Variants in IGSF10 observed in about 807,000 individuals in gnomAD.
The protein encoded by IGSF10 is calvaria mechanical force protein 608.
IGSF10 carries 126 observed loss-of-function variants against 128.2 expected under a neutral mutation model. The ratio of observed to expected loss-of-function variants is 0.98; its 90% CI spans 0.85 to 1.14. The LOEUF (loss-of-function observed/expected upper bound fraction) is 1.14. IGSF10 is among the 50% of genes most tolerant of loss of function. The pLI is 0.00. For missense variants in IGSF10, 3,295 were observed against 3,149.8 expected (o/e 1.05, Z -1.10); for synonymous variants, 1,185 against 1,146.2 (o/e 1.03, Z -0.68).
At chr3:151,435,272 G>A (rs1384510947), downstream of IGSF10, 4 of 151,604 alleles carry the variant, frequency 2.6e-5, no homozygotes, top group Non-Finnish European at 5.9e-5. Flanking sequence ...CACAGTTCTT[G>A]GATATAAGAA....
the IGSF10 span, among the ~76,000 whole-genome samples, chr3:151,529,818 A>G: frequency 4.6e-4 from 70 of 152,200 alleles, no homozygotes; most frequent in Non-Finnish European, 8.2e-4. Flanking sequence ...AAGGATTACA[A>G]CTTTTCGCCA....
At chr3:151,536,073 C>T in the IGSF10 span, among the ~76,000 whole-genome samples, 1 of 152,152 alleles carries the variant, frequency 6.6e-6, no homozygotes, top group Non-Finnish European at 1.5e-5. Context: ...CTAGCTGCCA[C>T]TGTGTCCTGT....
intron 1 of IGSF10, 149 bp from the exon 2 acceptor site, chr3:151,460,496 G>C (rs942759973): frequency 6.5e-6 from 1 of 154,890 alleles, no homozygotes; most frequent in African/African-American, 2.4e-5. Flanking sequence ...ACCCAGAAGC[G>C]TTCTTTTATT....
chr3:151,473,414 A>G, the IGSF10 span, among the ~76,000 whole-genome samples: 1 of 152,204 alleles, frequency 6.6e-6, no homozygotes, highest in Non-Finnish European at 1.5e-5. Context: ...TAACTTTTTC[A>G]ATCGATAACT....
At chr3:151,451,206 C>A (rs1456760371) in intron 5 of IGSF10, among the ~76,000 whole-genome samples, 1 of 152,126 alleles carries the variant, frequency 6.6e-6, no homozygotes, top group Non-Finnish European at 1.5e-5. Context: ...CCCATTGGCT[C>A]TGGCATACGC....
the IGSF10 span, among the ~76,000 whole-genome samples, chr3:151,547,318 G>A: frequency 1.3e-5 from 2 of 151,904 alleles, no homozygotes; most frequent in Admixed American, 1.3e-4. Flanking sequence ...GCTGAGCAAT[G>A]CCATAGCCAG....
chr3:151,488,251 A>T, the IGSF10 span, among the ~76,000 whole-genome samples: 1 of 152,188 alleles, frequency 6.6e-6, no homozygotes, highest in Non-Finnish European at 1.5e-5. Flanking sequence ...GTACCTAGGA[A>T]TACAACTTAC....
Position 151,460,303 on chromosome 3 carries a change from C to T in IGSF10, c.-44G>A. The T allele has an allele frequency of 1.0e-6, 1 of 983,398 alleles. No individual in the cohort carries two copies. Among genetic ancestry groups the T allele is most frequent in the Non-Finnish European group, 1.2e-6 (1 of 828,072 alleles). The allele number at this position is 983,398 out of a possible 1,614,324, so 60.9% of individuals were successfully genotyped here. A position where few individuals can be genotyped will look rare whatever the true frequency, so the allele number is the denominator to read the frequency against. ...GTCCTGAGTCCTCTTGTGACATAGG[C>T]AGAGACAGAAAATCTTCCCAGGAAA... is the stretch of plus-strand genomic sequence containing the variant. On this transcript the variant is annotated 5_prime_UTR_variant, in exon 2 of 8. Transcript: ENST00000282466.
At chr3:151,582,298 G>C in the IGSF10 span, among the ~76,000 whole-genome samples, 4 of 111,060 alleles carry the variant, frequency 3.6e-5, 1 homozygote, top group Non-Finnish European at 7.2e-5. Flanking sequence ...TATCCGGGGG[G>C]GGGGGCGGGA....
upstream of IGSF10, among the ~76,000 whole-genome samples, chr3:151,463,523 G>GTT (rs745415781): frequency 0.039 from 1,216 of 30,824 alleles, 335 homozygotes; most frequent in Middle Eastern, 0.08. Context: ...ACATTTTCTG[G>GTT]TTTTTTTTTT....
chr3:151,553,890 G>A, the IGSF10 span, among the ~76,000 whole-genome samples: 616 of 151,858 alleles, frequency 4.1e-3, 6 homozygotes, highest in East Asian at 0.024. Context: ...AAGTTGGGAG[G>A]AGCACTTGAA....
At chr3:151,548,202 A>C in the IGSF10 span, among the ~76,000 whole-genome samples, 1 of 152,178 alleles carries the variant, frequency 6.6e-6, no homozygotes, top group Admixed American at 6.5e-5. Flanking sequence ...AAGTGGCAAT[A>C]TAAGAAGTCT....
At chr3:151,494,659 T>C in the IGSF10 span, among the ~76,000 whole-genome samples, 9 of 152,252 alleles carry the variant, frequency 5.9e-5, no homozygotes, top group African/African-American at 2.2e-4. Context: ...ACAAGGTAAT[T>C]ATCACTTCAT....
In IGSF10 at chr3:151,445,029, A is replaced by G. The variant is rs1258082356; in HGVS notation, c.4952T>C (p.Val1651Ala). ...AGTAAAACTTGCAGCTTTTCCTCCA[A>G]CTATCCTGGGCTTTTCAAATATATA... ...SRYIFEKPRIVGGKAASFTIP... is the reference protein window; with the variant it reads ...SRYIFEKPRIAGGKAASFTIP... Residue 1651 changes from valine to alanine, a missense_variant, in exon 6 of 8, where the codon GTT becomes GCT. Val to Ala is a moderately conservative substitution (Grantham distance 64, BLOSUM62 0). Coordinates refer to ENST00000282466, the MANE Select transcript of IGSF10 (RefSeq NM_178822.5). 3 of 1,614,216 alleles carry G rather than the reference A, an allele frequency of 1.9e-6. No individual in the cohort carries two copies. The highest frequency in any genetic ancestry group is 2.2e-5 in the South Asian group (2 of 91,084).
At chr3:151,483,449 G>T in the IGSF10 span, among the ~76,000 whole-genome samples, 2 of 152,002 alleles carry the variant, frequency 1.3e-5, no homozygotes, top group Non-Finnish European at 2.9e-5. Context: ...AAGAAAGAAA[G>T]GAATCAAAGC....
At chr3:151,483,497 A>C in the IGSF10 span, among the ~76,000 whole-genome samples, 1 of 152,200 alleles carries the variant, frequency 6.6e-6, no homozygotes, top group African/African-American at 2.4e-5. Context: ...CAAATGTAGA[A>C]AAGAAAAGAG....
chr3:151,455,940 G>A (rs189886255), intron 4 of IGSF10, among the ~76,000 whole-genome samples: 13 of 152,144 alleles, frequency 8.5e-5, no homozygotes, highest in African/African-American at 2.7e-4. Flanking sequence ...CATCTCTGTC[G>A]AGAATGCTTC....
chr3:151,582,841 C>T, the IGSF10 span, among the ~76,000 whole-genome samples: 1 of 152,168 alleles, frequency 6.6e-6, no homozygotes, highest in Non-Finnish European at 1.5e-5. Context: ...TTTTTCAGCA[C>T]TTCACATTTA....
At chr3:151,507,041 T>C in the IGSF10 span, among the ~76,000 whole-genome samples, 1 of 152,206 alleles carries the variant, frequency 6.6e-6, no homozygotes, top group Non-Finnish European at 1.5e-5. Context: ...ATGGCTTTGG[T>C]TTAGAGTCTC....
Sources: gnomAD v4.1 joint callset for allele counts (sites outside exome capture counted in the v4.1 genomes callset) on GRCh38, gnomAD v4.1.1 for gene constraint, MANE v1.5 for transcripts, NCBI Gene and HGNC (gene_info 2026-07-23, HGNC 2026-07-21) for gene names.